NUP205: variants seen among roughly 807,000 people sequenced by gnomAD.
The protein encoded by NUP205 is nucleoporin 205.
NUP205 carries 76 observed loss-of-function variants against 253.8 expected under a neutral mutation model. That is an observed-to-expected ratio of 0.30 (90% confidence interval 0.25 to 0.36). The LOEUF is 0.36. Ranked by LOEUF, NUP205 falls within the 10% of genes least tolerant of loss-of-function variation. The probability of loss-of-function intolerance (pLI) is 1.00; values close to 1 mark genes in which losing one functional copy is unlikely to be tolerated. For missense variants in NUP205, 2,162 were observed against 2,425.5 expected (o/e 0.89, Z 2.28); for synonymous variants, 832 against 850.1 (o/e 0.98, Z 0.37).
At chr7:135,560,965 T>C (rs1447620507) in intron 1 of NUP205, among the ~76,000 whole-genome samples, 1 of 152,242 alleles carries the variant, frequency 6.6e-6, no homozygotes, top group African/African-American at 2.4e-5. Flanking sequence ...TTGCATTCTA[T>C]GTTATGTGCT....
chr7:135,630,339 C>T lies in NUP205; in HGVS notation c.4933-5C>T. The T allele has an allele frequency of 6.4e-7, 1 of 1,571,424 alleles. No individual in the cohort carries two copies. The highest frequency in any genetic ancestry group is 8.6e-7 in the Non-Finnish European group (1 of 1,161,670). On this transcript the variant is annotated splice_region_variant and splice_polypyrimidine_tract_variant and intron_variant, in intron 34 of 42. Transcript: ENST00000285968. The stretch of plus-strand genomic sequence containing the variant: ...TTCTATTCCTCTTCCTTTTCAATGG[C>T]TTAGGTATTGCAGTTTCTTATTTCA...
chr7:135,639,612 A>T (rs1794880916), intron 38 of NUP205, among the ~76,000 whole-genome samples: 1 of 151,078 alleles, frequency 6.6e-6, no homozygotes, highest in East Asian at 2.0e-4. Flanking sequence ...AATTGCTTGA[A>T]CCCAGGAGGC....
intron 13 of NUP205, among the ~76,000 whole-genome samples, chr7:135,595,137 A>T (rs1793794712): frequency 6.6e-6 from 1 of 152,100 alleles, no homozygotes; most frequent in African/African-American, 2.4e-5. Flanking sequence ...CAGAAGAGTG[A>T]AGTATCTCTG....
intron 1 of NUP205, among the ~76,000 whole-genome samples, chr7:135,566,415 A>G (rs113973370): frequency 6.6e-6 from 1 of 152,304 alleles, no homozygotes; most frequent in African/African-American, 2.4e-5. Flanking sequence ...TTTAATGGGA[A>G]GTATGTCTGC....
Position 135,576,978 on chromosome 7 carries a change from G to C in NUP205, c.498G>C (p.Leu166=). 6.2e-7 allele frequency: 1 copy of C among 1,612,488 alleles called. No individual in the cohort carries two copies. Among genetic ancestry groups the C allele is most frequent in the Non-Finnish European group, 8.5e-7 (1 of 1,179,604 alleles). The change falls in exon 5 of 43, where the codon CTG becomes CTC. Residue 166 remains leucine, a synonymous_variant. Coordinates refer to ENST00000285968, the MANE Select transcript of NUP205 (RefSeq NM_015135.3). ...TTTCTTTTCATTACAGTCCAGAGCT[G>C]GCTTCCATGACAACACGCTTTACAG... ...KTWTLELSPE[L]ASMTTRFTDE...
chr7:135,639,334 ATTAC>A (rs1172285386), intron 38 of NUP205, among the ~76,000 whole-genome samples: 5 of 152,202 alleles, frequency 3.3e-5, no homozygotes, highest in African/African-American at 1.2e-4. Context: ...ATCCCTGAAA[ATTAC>A]TTAATCACAA....
At chr7:135,634,060 AT>A (rs1794764915) in intron 35 of NUP205, among the ~76,000 whole-genome samples, 1 of 152,086 alleles carries the variant, frequency 6.6e-6, no homozygotes, top group Non-Finnish European at 1.5e-5. Flanking sequence ...TTATCAGCAG[AT>A]TTATTTTGTT....
At chr7:135,562,545 C>CTT (rs34482653) in intron 1 of NUP205, among the ~76,000 whole-genome samples, 32,262 of 97,176 alleles carry the variant, frequency 0.33, 6,547 homozygotes, top group Non-Finnish European at 0.4. Context: ...GACCAAAATC[C>CTT]TTTTTTTTTT....
chr7:135,602,219 A>G (rs1274728792), intron 17 of NUP205, among the ~76,000 whole-genome samples: 1 of 152,222 alleles, frequency 6.6e-6, no homozygotes, highest in Non-Finnish European at 1.5e-5. Flanking sequence ...CAGATAAGAC[A>G]CTATAGGAAG....
intron 20 of NUP205, 92 bp from the exon 21 acceptor site, chr7:135,606,659 C>A: frequency 2.2e-6 from 2 of 923,650 alleles, no homozygotes; most frequent in Non-Finnish European, 1.7e-6. Context: ...CTAAAGAAAA[C>A]ATGGAGTTGG....
chr7:135,618,040 C>T (rs1386079591), intron 27 of NUP205, among the ~76,000 whole-genome samples: 1 of 151,486 alleles, frequency 6.6e-6, no homozygotes, highest in Non-Finnish European at 1.5e-5. Flanking sequence ...ATACAGCCGG[C>T]CAGGCCAAAG....
chr7:135,607,436 C>T, intron 22 of NUP205, 65 bp downstream of exon 22: 2 of 1,557,520 alleles, frequency 1.3e-6, no homozygotes, highest in Non-Finnish European at 1.7e-6. Flanking sequence ...ATGAGTACGC[C>T]ACAGATATGA....
At chr7:135,634,396 C>T (rs1324593478) in intron 35 of NUP205, among the ~76,000 whole-genome samples, 2 of 152,116 alleles carry the variant, frequency 1.3e-5, no homozygotes, top group Non-Finnish European at 2.9e-5. Flanking sequence ...ACAGCAATAC[C>T]TGGTGCAGAG....
intron 26 of NUP205, 54 bp downstream of exon 26, chr7:135,617,301 GTCA>G: frequency 6.6e-7 from 1 of 1,510,286 alleles, no homozygotes; most frequent in Non-Finnish European, 9.0e-7. Context: ...CAGACTTTAA[GTCA>G]TCAGAAACAA....
intron 14 of NUP205, 159 bp from the exon 15 acceptor site, chr7:135,597,839 A>G: frequency 3.1e-6 from 2 of 635,030 alleles, no homozygotes; most frequent in Non-Finnish European, 5.4e-6. Context: ...CTGGATTCAT[A>G]TAATACTTTT....
intron 11 of NUP205, among the ~76,000 whole-genome samples, chr7:135,592,416 A>G (rs994310940): frequency 6.6e-6 from 1 of 152,264 alleles, no homozygotes. Flanking sequence ...GGTAACCGAC[A>G]TCCAAAGTAA....
chr7:135,631,742 T>G (rs1251810531), intron 35 of NUP205, among the ~76,000 whole-genome samples: 4 of 120,426 alleles, frequency 3.3e-5, no homozygotes, highest in Non-Finnish European at 7.5e-5. Flanking sequence ...TTTTTTTTCT[T>G]TCTTTCTTTC....
At chr7:135,607,129 T>G (rs1171694785) in intron 21 of NUP205, 118 bp from the exon 22 acceptor site, 2 of 1,321,446 alleles carry the variant, frequency 1.5e-6, no homozygotes, top group African/African-American at 3.0e-5. Flanking sequence ...TATCAGTATT[T>G]GAAAGAGTGT....
chr7:135,641,068 A>G (rs1435227994), intron 38 of NUP205, among the ~76,000 whole-genome samples: 2 of 152,142 alleles, frequency 1.3e-5, no homozygotes, highest in Admixed American at 1.3e-4. Flanking sequence ...TAGGATAAAA[A>G]GGGGCCACCA....
Sources: allele counts gnomAD v4.1 joint callset (sites outside exome capture counted in the v4.1 genomes callset), GRCh38; gene constraint gnomAD v4.1.1; transcripts MANE v1.5; gene names NCBI Gene and HGNC (gene_info 2026-07-23, HGNC 2026-07-21).